SLC35F3: variants seen among roughly 807,000 people sequenced by gnomAD.
SLC35F3 encodes putative thiamine transporter SLC35F3.
In SLC35F3, 25 loss-of-function variants were observed where a neutral mutation model predicts 49.9. That is an observed-to-expected ratio of 0.50 (90% confidence interval 0.37 to 0.70). The LOEUF is 0.70. Among genes scored for constraint, SLC35F3 ranks in the 30% least tolerant of loss-of-function variants. The probability of loss-of-function intolerance (pLI) is 0.00; values close to 1 mark genes in which losing one functional copy is unlikely to be tolerated. For missense variants in SLC35F3, 525 were observed against 639.8 expected, an observed-to-expected ratio of 0.82 and a Z score of 1.94; for synonymous variants, 275 against 265.4, an observed-to-expected ratio of 1.04 and a Z score of -0.35.
chr1:234,303,818 T>C (rs1376352314), intron 3 of SLC35F3, among the ~76,000 whole-genome samples: 1 of 152,210 alleles, frequency 6.6e-6, no homozygotes, highest in Non-Finnish European at 1.5e-5. Flanking sequence ...GTTGTGGTTC[T>C]TTCTTTATTC....
At chr1:234,129,383 A>C (rs1347030361) in intron 2 of SLC35F3, among the ~76,000 whole-genome samples, 5 of 152,264 alleles carry the variant, frequency 3.3e-5, no homozygotes, top group Admixed American at 3.3e-4. Context: ...TACACAAAAA[A>C]TATAGAATAC....
chr1:234,262,645 C>T (rs1030247595), intron 3 of SLC35F3, among the ~76,000 whole-genome samples: 13 of 152,184 alleles, frequency 8.5e-5, no homozygotes, highest in African/African-American at 3.1e-4. Context: ...CCAAATGAAG[C>T]CTCTCTGGTG....
intron 3 of SLC35F3, among the ~76,000 whole-genome samples, chr1:234,291,117 G>C (rs150593792): frequency 6.6e-6 from 1 of 152,088 alleles, no homozygotes; most frequent in African/African-American, 2.4e-5. Context: ...ATGCCTGTTC[G>C]CCACCCCCCA....
intron 2 of SLC35F3, among the ~76,000 whole-genome samples, chr1:233,959,178 A>C (rs894828086): frequency 2.0e-4 from 30 of 151,952 alleles, no homozygotes; most frequent in African/African-American, 7.0e-4. Flanking sequence ...TAATCACCTA[A>C]TTTATTCTCA....
At chr1:234,029,692 ACTCTTT>A (rs1664030065) in intron 2 of SLC35F3, among the ~76,000 whole-genome samples, 1 of 151,852 alleles carries the variant, frequency 6.6e-6, no homozygotes, top group Non-Finnish European at 1.5e-5. Flanking sequence ...GTGTTGTACC[ACTCTTT>A]AAAAGTTTCG....
chr1:234,008,700 T>C (rs1215408513), intron 2 of SLC35F3, among the ~76,000 whole-genome samples: 1 of 152,178 alleles, frequency 6.6e-6, no homozygotes, highest in East Asian at 1.9e-4. Context: ...TGGAGGAGTA[T>C]CTGACAGTGC....
intron 2 of SLC35F3, among the ~76,000 whole-genome samples, chr1:234,142,370 A>G (rs999407627): frequency 1.3e-5 from 2 of 152,288 alleles, no homozygotes. Context: ...CTGTTCATGA[A>G]CAAGAAAGGA....
chr1:234,232,066 C>T (rs964876574), intron 3 of SLC35F3, among the ~76,000 whole-genome samples: 2 of 152,168 alleles, frequency 1.3e-5, no homozygotes, highest in African/African-American at 4.8e-5. Context: ...TCAGTTCATC[C>T]CTCAGCAAGC....
At chr1:234,022,176 C>T (rs1316659210) in intron 2 of SLC35F3, among the ~76,000 whole-genome samples, 3 of 152,162 alleles carry the variant, frequency 2.0e-5, no homozygotes, top group Non-Finnish European at 2.9e-5. Flanking sequence ...TCCCCTGAAC[C>T]GTTGAGTTGC....
At chr1:234,161,073 G>A (rs1297782375) in intron 2 of SLC35F3, among the ~76,000 whole-genome samples, 1 of 152,146 alleles carries the variant, frequency 6.6e-6, no homozygotes, top group Non-Finnish European at 1.5e-5. Flanking sequence ...CTGCTTTGTA[G>A]TGTCACCCTG....
In SLC35F3 at chr1:234,117,906, C is replaced by CTA. The variant is rs1357923905; in HGVS notation, c.284-113505_284-113504dup. ...GTCTCAAAAAAGAAAAAAAAAAAGA[C>CTA]TATATATGTGTGTGTGTGTGTGTGT... is the stretch of plus-strand genomic sequence containing the variant. On this transcript the variant is annotated intron_variant, in intron 2 of 7. Transcript: ENST00000366618. Among the ~76,000 whole-genome samples the CTA allele has an allele frequency of 5.6e-5, 5 of 88,780 alleles. 1 individual carries two copies. Among genetic ancestry groups the CTA allele is most frequent in the Admixed American group, 3.3e-4 (2 of 6,018 alleles). The allele number at this position is 88,780 out of a possible 152,430, so 58.2% of individuals were successfully genotyped here.
At chr1:233,948,557 T>C (rs980237415) in intron 2 of SLC35F3, among the ~76,000 whole-genome samples, 3 of 152,102 alleles carry the variant, frequency 2.0e-5, no homozygotes, top group African/African-American at 7.2e-5. Flanking sequence ...TTTTTTTTTT[T>C]TCTTTTTTTA....
chr1:234,019,206 G>T lies in SLC35F3; in HGVS notation c.283+113448G>T, dbSNP rs116477824. On this transcript the variant is annotated intron_variant, in intron 2 of 7. Coordinates refer to ENST00000366618, the MANE Select transcript of SLC35F3 (RefSeq NM_173508.4). ...TCACTATCACTAGGGTCTTCTGCCT[G>T]GTTGAGATGATCACATGTCAGGAAG... Among the ~76,000 whole-genome samples, 2 of 152,292 alleles carry T rather than the reference G, an allele frequency of 1.3e-5. 1 individual carries two copies. The highest frequency in any genetic ancestry group is 2.9e-5 in the Non-Finnish European group (2 of 68,018).
At chr1:234,159,233 C>T (rs988987039) in intron 2 of SLC35F3, among the ~76,000 whole-genome samples, 1 of 152,106 alleles carries the variant, frequency 6.6e-6, no homozygotes, top group African/African-American at 2.4e-5. Context: ...GAAACTAACC[C>T]TTGCCAAGGA....
At chr1:234,255,350 C>T (rs1667802531) in intron 3 of SLC35F3, among the ~76,000 whole-genome samples, 1 of 152,186 alleles carries the variant, frequency 6.6e-6, no homozygotes, top group Non-Finnish European at 1.5e-5. Context: ...ACTGACAACA[C>T]CAAATATTGC....
intron 2 of SLC35F3, among the ~76,000 whole-genome samples, chr1:234,220,391 G>A (rs1667186228): frequency 1.3e-5 from 2 of 152,138 alleles, no homozygotes; most frequent in South Asian, 4.1e-4. Context: ...AAAGTATCCA[G>A]TGGTGACAAG....
At chr1:233,922,486 C>CTTTTTTTTTTTTTTTTTTTCT (rs1662080151) in intron 2 of SLC35F3, among the ~76,000 whole-genome samples, 1 of 112,340 alleles carries the variant, frequency 8.9e-6, no homozygotes, top group Non-Finnish European at 1.8e-5. Context: ...TTTTGATGGC[C>CTTTTTTTTTTTTTTTTTTTCT]TTTTTTTTTT....
chr1:234,187,678 G>T (rs754265289), intron 2 of SLC35F3, among the ~76,000 whole-genome samples: 1 of 152,198 alleles, frequency 6.6e-6, no homozygotes, highest in Non-Finnish European at 1.5e-5. Context: ...ATGGGAGAAG[G>T]ATTTGAGCTG....
In SLC35F3 at chr1:234,046,149, C is replaced by G. The variant is rs186994254; in HGVS notation, c.283+140391C>G. ...TAACAGAGTTTCTCCAGAGTGTGTACAGCAAAGTAAAATTGTGAGGTCAGA... is the reference window on the plus strand; with the variant it reads ...TAACAGAGTTTCTCCAGAGTGTGTAGAGCAAAGTAAAATTGTGAGGTCAGA... On this transcript the variant is annotated intron_variant, in intron 2 of 7. Coordinates refer to ENST00000366618, the MANE Select transcript of SLC35F3 (RefSeq NM_173508.4). This position sits in a 1 kb window ranked among gnomAD's most constrained non-coding sequence, Gnocchi z 4.4. 6.6e-6 allele frequency among the ~76,000 whole-genome samples: 1 copy of G among 152,194 alleles called. No individual in the cohort carries two copies. The highest frequency in any genetic ancestry group is 6.5e-5 in the Admixed American group (1 of 15,290).
Sources: gnomAD v4.1 joint callset for allele counts (sites outside exome capture counted in the v4.1 genomes callset) on GRCh38, gnomAD v4.1.1 for gene constraint, Gnocchi (gnomAD v3.1) non-coding constraint, MANE v1.5 for transcripts, NCBI Gene and HGNC (gene_info 2026-07-23, HGNC 2026-07-21) for gene names.